The following FAM187A variants were observed in gnomAD, a reference collection of about 807,000 sequenced individuals.
The protein encoded by FAM187A is family with sequence similarity 187 member A, also known as Ig-like V-type domain-containing protein FAM187A.
FAM187A carries 4 observed loss-of-function variants against 6.4 expected under a neutral mutation model. The ratio of observed to expected loss-of-function variants is 0.63; its 90% CI spans 0.31 to 1.44. The LOEUF (loss-of-function observed/expected upper bound fraction) is 1.44. FAM187A is among the 40% of genes most tolerant of loss of function. The pLI is 0.07. For synonymous variants in FAM187A, 221 were observed against 213.4 expected (o/e 1.04, Z -0.31); for missense variants, 463 against 542.2 (o/e 0.85, Z 1.45).
At position 44,904,599 on chromosome 17, in the gene FAM187A, T is replaced by C. The variant is rs1297405905; in HGVS notation, c.770T>C (p.Ile257Thr). ...ATCCGGGAGGGCGTGCTGGCCATCA[T>C]TAACTATGTGTCCAAAGTGGGCAGC... is the stretch of plus-strand genomic sequence containing the variant. Residue 257 changes from isoleucine to threonine, a missense_variant, in exon 4 of 4, where the codon ATT (isoleucine) becomes ACT (threonine). By Grantham distance (89) the Ile-to-Thr change is moderately conservative (BLOSUM62 -1). Transcript: ENST00000331733. 4 of 1,550,548 alleles carry C rather than the reference T, an allele frequency of 2.6e-6. No homozygotes were observed. The Admixed American group carries it at 7.8e-5, about 30-fold the overall frequency.
Position 44,904,016 on chromosome 17 carries a change from G to A in FAM187A, c.187G>A (p.Val63Ile), listed in dbSNP as rs12952204. 770 of 1,550,666 alleles carry A rather than the reference G, an allele frequency of 5.0e-4. 8 individuals are homozygous for A. The African/African-American group carries it at 9.7e-3, about 19-fold the overall frequency. ...CTGCAAACCCGAAGAGGTGCCAGCT[G>A]TAGTCTGGTTCTACCAAAAGCACCT... The change falls in exon 4 of 4, where the codon GTA (valine) becomes ATA (isoleucine). Residue 63 changes from valine to isoleucine, a missense_variant. By Grantham distance (29) the Val-to-Ile change is conservative. Transcript: ENST00000331733.
exon 4 of FAM187A, chr17:44,903,516 C>T (rs1019157149): frequency 1.6e-6 from 2 of 1,284,974 alleles, no homozygotes; most frequent in Non-Finnish European, 2.0e-6. Flanking sequence ...CCGCCCTTCT[C>T]ATTCCGGTTT....
At position 44,904,754 on chromosome 17, in the gene FAM187A, C is replaced by T. The variant is rs185409255; in HGVS notation, c.925C>T (p.Arg309Cys). The T allele has an allele frequency of 3.1e-5, 48 of 1,550,598 alleles. No homozygotes were observed. The East Asian group carries it at 3.2e-4, about 10-fold the overall frequency. The stretch of plus-strand genomic sequence containing the variant: ...GGACAAAGACCGCCAGCACCTCTAC[C>T]GCACACAGTACCTGAAGGGTGTCAA... The change falls in exon 4 of 4, where the codon CGC becomes TGC. Residue 309 changes from arginine to cysteine, a missense_variant. Coordinates refer to ENST00000331733, the Ensembl canonical transcript of FAM187A.
exon 4 of FAM187A, chr17:44,904,282 G>C (rs759311833): frequency 6.5e-7 from 1 of 1,549,930 alleles, no homozygotes. Context: ...CCACTTTCCA[G>C]GACAAGGGCC....
exon 4 of FAM187A, chr17:44,904,684 C>G (rs766886590): frequency 1.0e-5 from 16 of 1,550,490 alleles, no homozygotes; most frequent in Non-Finnish European, 1.4e-5. Flanking sequence ...GCCATGGACT[C>G]ATCATCTCCT....
exon 4 of FAM187A, chr17:44,903,596 T>A: frequency 1.4e-6 from 2 of 1,404,736 alleles, no homozygotes; most frequent in Non-Finnish European, 9.2e-7. Flanking sequence ...CTAGAATGGC[T>A]TTCCCCCCCC....
chr17:44,903,606 C>G (rs144369192), exon 4 of FAM187A: 59 of 1,404,854 alleles, frequency 4.2e-5, no homozygotes, highest in East Asian at 1.3e-4. Flanking sequence ...TTTCCCCCCC[C>G]ACCCTGAGAT....
At chr17:44,903,787 C>G in exon 4 of FAM187A, 1 of 1,515,630 alleles carries the variant, frequency 6.6e-7, no homozygotes, top group Non-Finnish European at 8.8e-7. Flanking sequence ...GCCTTTAATG[C>G]CCTGGTTTTG....
chr17:44,904,484 G>C, exon 4 of FAM187A: 2 of 1,548,298 alleles, frequency 1.3e-6, no homozygotes, highest in Non-Finnish European at 8.7e-7. Flanking sequence ...CTCAAGGGCT[G>C]TGCCAAGGAA....
chr17:44,904,985 C>G (rs754861795), exon 4 of FAM187A: 2 of 1,550,800 alleles, frequency 1.3e-6, no homozygotes, highest in Middle Eastern at 1.7e-4. Context: ...GATAGGCTAC[C>G]TGCTCATCAC....
chr17:44,904,395 G>A (rs779309918), exon 4 of FAM187A: 22 of 1,542,032 alleles, frequency 1.4e-5, no homozygotes, highest in East Asian at 7.4e-5. Context: ...GAGCAGTGGC[G>A]CATCGGCCTC....
chr17:44,905,166 G>A, exon 4 of FAM187A: 1 of 963,006 alleles, frequency 1.0e-6, no homozygotes, highest in Non-Finnish European at 1.5e-6. Context: ...TGGGACAGGT[G>A]GTAGGAACAT....
rs1320758532 is a variant in FAM187A at position 44,903,903 on chromosome 17, A to G, written c.74A>G (p.Asn25Ser). The change falls in exon 4 of 4, where the codon AAC (asparagine) becomes AGC (serine). Residue 25 changes from asparagine to serine, a missense_variant. Asn to Ser is a conservative substitution (Grantham distance 46, BLOSUM62 1). Transcript: ENST00000331733. ...GCCTTTGAAATTGTGGAGAAGGAAA[A>G]CATTTTTCAGAGGACCCCCTGCCCT... 2.1e-5 allele frequency: 32 copies of G among 1,550,384 alleles called. No individual in the cohort carries two copies. In the Admixed American group the frequency reaches 6.3e-4, roughly 30 times the overall value.
exon 4 of FAM187A, chr17:44,904,961 G>C: frequency 6.4e-7 from 1 of 1,550,748 alleles, no homozygotes. Context: ...TCGCTCGGCT[G>C]TGGAGCTCAC....
exon 4 of FAM187A, chr17:44,903,888 T>C (rs1282141370): frequency 3.9e-6 from 6 of 1,550,356 alleles, no homozygotes; most frequent in Non-Finnish European, 5.2e-6. Flanking sequence ...GCCTTTGAAA[T>C]TGTGGAGAAG....
exon 4 of FAM187A, chr17:44,904,184 G>A: frequency 1.3e-6 from 2 of 1,550,524 alleles, no homozygotes; most frequent in Non-Finnish European, 8.7e-7. Flanking sequence ...TCAGTCTGAG[G>A]ACTCAGGCCT....
At chr17:44,904,722 T>C (rs1479602439) in exon 4 of FAM187A, 3 of 1,550,548 alleles carry the variant, frequency 1.9e-6, no homozygotes, top group Admixed American at 2.0e-5. Flanking sequence ...GAGCATGCAG[T>C]GGCCTGGGAC....
Position 44,904,212 on chromosome 17 carries a change from G to A in FAM187A, c.383G>A (p.Arg128His), listed in dbSNP as rs529160132. Residue 128 changes from arginine to histidine, a missense_variant, in exon 4 of 4, where the codon CGC (arginine) becomes CAC (histidine). By Grantham distance (29) the Arg-to-His change is conservative. Transcript: ENST00000331733. Reference sequence around the variant, plus strand: ...TCAGGCCTGTACTTCTGCGGCACCCGCAAGGGGGACTACTTTTACGCCTAC... The same window carrying A: ...TCAGGCCTGTACTTCTGCGGCACCCACAAGGGGGACTACTTTTACGCCTAC... 5.0e-5 allele frequency: 78 copies of A among 1,550,530 alleles called. No individual in the cohort carries two copies. The African/African-American group carries it at 9.0e-4, about 18-fold the overall frequency.
At chr17:44,904,104 A>C in exon 4 of FAM187A, 4 of 1,550,624 alleles carry the variant, frequency 2.6e-6, no homozygotes, top group Non-Finnish European at 3.5e-6. Context: ...GAGGCAGCCC[A>C]GGTACGTGTG....
Sources: gnomAD v4.1 joint callset for allele counts on GRCh38, gnomAD v4.1.1 for gene constraint, MANE v1.5 for transcripts, NCBI Gene and HGNC (gene_info 2026-07-23, HGNC 2026-07-21) for gene names.